Variants in ITGBL1 observed in about 807,000 individuals in gnomAD.
ITGBL1 encodes the protein integrin subunit beta like 1, also known as integrin beta-like protein 1.
In ITGBL1, 51 loss-of-function variants were observed where a neutral mutation model predicts 68.5. That is an observed-to-expected ratio of 0.74 (90% confidence interval 0.59 to 0.94). The LOEUF is 0.94. ITGBL1 is among the 40% of genes least tolerant of loss of function. The pLI is 0.00. For missense variants in ITGBL1, 649 were observed against 647.4 expected (o/e 1.00, Z -0.03); for synonymous variants, 209 against 227.3 (o/e 0.92, Z 0.72).
At chr13:101,599,790 A>G (rs899728165) in intron 7 of ITGBL1, among the ~76,000 whole-genome samples, 7 of 152,126 alleles carry the variant, frequency 4.6e-5, no homozygotes, top group Admixed American at 3.3e-4. Flanking sequence ...TGTTCCATTG[A>G]TCTATATCTC....
intron 2 of ITGBL1, among the ~76,000 whole-genome samples, chr13:101,514,533 G>T (rs1172596414): frequency 1.3e-5 from 2 of 151,832 alleles, no homozygotes; most frequent in African/African-American, 4.8e-5. Context: ...TGTCATTTGT[G>T]TAGTGAGAGA....
At chr13:101,557,031 T>A (rs2050018378) in intron 2 of ITGBL1, among the ~76,000 whole-genome samples, 1 of 152,170 alleles carries the variant, frequency 6.6e-6, no homozygotes, top group South Asian at 2.1e-4. Flanking sequence ...GAGCCTGCAC[T>A]CCACAGCCCT....
chr13:101,475,498 C>T (rs1237319990), intron 2 of ITGBL1, among the ~76,000 whole-genome samples: 1 of 149,232 alleles, frequency 6.7e-6, no homozygotes, highest in Non-Finnish European at 1.5e-5. Flanking sequence ...GAGAGATCAG[C>T]ATAGAAAATT....
intron 2 of ITGBL1, among the ~76,000 whole-genome samples, chr13:101,490,710 A>C (rs2048763828): frequency 6.6e-6 from 1 of 152,218 alleles, no homozygotes; most frequent in South Asian, 2.1e-4. Context: ...AAGTGTTTTG[A>C]CAAAATATGC....
rs563755390 is a variant in ITGBL1, at chr13:101,472,267, G to A, written c.316+18167G>A. Among the ~76,000 whole-genome samples, 17 of 152,230 alleles carry A rather than the reference G, an allele frequency of 1.1e-4. 1 individual carries two copies. In the South Asian group the frequency reaches 3.5e-3, roughly 32 times the overall value. On this transcript the variant is annotated intron_variant, in intron 2 of 10. Coordinates refer to ENST00000376180, the MANE Select transcript of ITGBL1 (RefSeq NM_004791.3). ...TTATGGCACCTTCCAAATGCTCTTA[G>A]TGTAAATGTATGTTACAAATCCCAT... is the stretch of plus-strand genomic sequence containing the variant.
intron 7 of ITGBL1, among the ~76,000 whole-genome samples, chr13:101,612,169 C>T (rs2031160416): frequency 6.6e-6 from 1 of 152,154 alleles, no homozygotes; most frequent in Non-Finnish European, 1.5e-5. Flanking sequence ...ATAATTTTGG[C>T]CTCTTTGATG....
At chr13:101,563,485 A>C (rs74372176) in intron 2 of ITGBL1, among the ~76,000 whole-genome samples, 2 of 152,016 alleles carry the variant, frequency 1.3e-5, no homozygotes, top group African/African-American at 2.4e-5. Flanking sequence ...AACACTATGC[A>C]TGTTAAAAAG....
chr13:101,607,419 T>A (rs2030921182), intron 7 of ITGBL1, among the ~76,000 whole-genome samples: 1 of 152,066 alleles, frequency 6.6e-6, no homozygotes, highest in Non-Finnish European at 1.5e-5. Flanking sequence ...AATATAATTC[T>A]GCAGAATAAT....
intron 2 of ITGBL1, among the ~76,000 whole-genome samples, chr13:101,471,532 ATG>A (rs150659546): frequency 0.025 from 2,718 of 110,298 alleles, 57 homozygotes; most frequent in African/African-American, 0.057. Context: ...GTGTGTATGT[ATG>A]TGTGTGTGTG....
chr13:101,712,239 A>G (rs1416860582), intron 9 of ITGBL1: 1 of 152,256 alleles, frequency 6.6e-6, no homozygotes, highest in East Asian at 1.9e-4. Context: ...CAGCTGGGAA[A>G]ATGCTGACCT....
intron 2 of ITGBL1, among the ~76,000 whole-genome samples, chr13:101,529,506 G>T (rs2049436492): frequency 1.3e-5 from 2 of 152,166 alleles, no homozygotes; most frequent in Admixed American, 1.3e-4. Flanking sequence ...ACTGGAAAAA[G>T]AAAACTATGT....
intron 2 of ITGBL1, among the ~76,000 whole-genome samples, chr13:101,495,771 G>A (rs1252727011): frequency 6.6e-6 from 1 of 152,060 alleles, no homozygotes; most frequent in Admixed American, 6.6e-5. Flanking sequence ...GAGATTTCAT[G>A]GTGTCTGTCT....
chr13:101,646,549 A>T (rs1466204346), intron 7 of ITGBL1, among the ~76,000 whole-genome samples: 1 of 152,042 alleles, frequency 6.6e-6, no homozygotes, highest in Non-Finnish European at 1.5e-5. Flanking sequence ...CCGTGGAGTA[A>T]CTGGCCAGTG....
chr13:101,675,008 C>A (rs1164456737), intron 7 of ITGBL1, among the ~76,000 whole-genome samples: 3 of 152,012 alleles, frequency 2.0e-5, no homozygotes, highest in Non-Finnish European at 4.4e-5. Context: ...CTGTTAGTAT[C>A]TGTTTGTCTG....
At chr13:101,510,096 T>C (rs1351770863) in intron 2 of ITGBL1, among the ~76,000 whole-genome samples, 1 of 152,148 alleles carries the variant, frequency 6.6e-6, no homozygotes, top group African/African-American at 2.4e-5. Context: ...GTTACATGGG[T>C]ATATTGGACC....
At chr13:101,708,151 G>A (rs1396802697) in intron 9 of ITGBL1, among the ~76,000 whole-genome samples, 1 of 151,912 alleles carries the variant, frequency 6.6e-6, no homozygotes, top group Admixed American at 6.6e-5. Context: ...TGATGTTTCT[G>A]TATACTATTC....
intron 2 of ITGBL1, among the ~76,000 whole-genome samples, chr13:101,475,909 C>T (rs560778254): frequency 6.6e-6 from 1 of 152,170 alleles, no homozygotes; most frequent in African/African-American, 2.4e-5. Context: ...TAAACAAAAG[C>T]TTAGGATTTC....
chr13:101,491,370 A>G (rs2048774094), intron 2 of ITGBL1, among the ~76,000 whole-genome samples: 1 of 152,182 alleles, frequency 6.6e-6, no homozygotes, highest in African/African-American at 2.4e-5. Flanking sequence ...ACCTACTTTG[A>G]ACATTTTTTA....
intron 7 of ITGBL1, among the ~76,000 whole-genome samples, chr13:101,676,457 A>C (rs755263473): frequency 3.3e-5 from 5 of 152,180 alleles, no homozygotes; most frequent in African/African-American, 4.8e-5. Context: ...CTGTGTTCCA[A>C]TTACTGTATT....
Sources: gnomAD v4.1 joint callset for allele counts (sites outside exome capture counted in the v4.1 genomes callset) on GRCh38, gnomAD v4.1.1 for gene constraint, MANE v1.5 for transcripts, NCBI Gene and HGNC (gene_info 2026-07-23, HGNC 2026-07-21) for gene names.